C7: variants seen among roughly 807,000 people sequenced by gnomAD.
The protein encoded by C7 is complement C7.
In C7, 83 loss-of-function variants were observed where a neutral mutation model predicts 104.8. The observed-to-expected ratio is 0.79, with a 90% CI of 0.66 to 0.95. The LOEUF (loss-of-function observed/expected upper bound fraction) is 0.95. Ranked by LOEUF, C7 falls within the 40% of genes least tolerant of loss-of-function variation. The probability of loss-of-function intolerance (pLI) is 0.00; values close to 1 mark genes in which losing one functional copy is unlikely to be tolerated. For synonymous variants in C7, 415 were observed against 360.6 expected, an observed-to-expected ratio of 1.15 and a Z score of -1.71; for missense variants, 1,070 against 1,011.2, an observed-to-expected ratio of 1.06 and a Z score of -0.79.
Position 40,947,847 on chromosome 5 carries a change from T to C in C7, c.982+2T>C. 7 of 1,611,250 alleles carry C rather than the reference T, an allele frequency of 4.3e-6. No individual in the cohort carries two copies. Among genetic ancestry groups the C allele is most frequent in the Non-Finnish European group, 5.9e-6 (7 of 1,178,958 alleles). On this transcript the variant is annotated splice_donor_variant, in intron 8 of 17. Transcript: ENST00000313164. LOFTEE classifies it high-confidence loss of function. ...ACTCAGAAAAATTAAAACAAAATGG[T>C]ACAGTATTAAAAAATTCGTTGTCTA...
intron 9 of C7, among the ~76,000 whole-genome samples, chr5:40,951,498 A>G (rs1335487278): frequency 6.6e-6 from 1 of 152,092 alleles, no homozygotes; most frequent in Non-Finnish European, 1.5e-5. Context: ...GGGTTGAAAA[A>G]CTAACTATTG....
chr5:40,962,074 T>C lies in C7; in HGVS notation c.1662-11T>C. On this transcript the variant is annotated splice_polypyrimidine_tract_variant and intron_variant, in intron 12 of 17. Transcript: ENST00000313164. ...AATCAATCACATTAATTACATTTTT[T>C]TTCCTTCCAGGTTGCTTGAACCACA... 2.0e-6 allele frequency: 3 copies of C among 1,465,158 alleles called. No homozygotes were observed. Among genetic ancestry groups the C allele is most frequent in the Non-Finnish European group, 2.8e-6 (3 of 1,087,058 alleles). The allele number at this position is 1,465,158 out of a possible 1,614,324, so 90.8% of individuals were successfully genotyped here. A position where few individuals can be genotyped will look rare whatever the true frequency, so the allele number is the denominator to read the frequency against.
intron 8 of C7, among the ~76,000 whole-genome samples, 194 bp downstream of exon 8, chr5:40,948,039 T>C (rs1373377546): frequency 6.6e-6 from 1 of 152,172 alleles, no homozygotes; most frequent in Non-Finnish European, 1.5e-5. Flanking sequence ...CTGTCTACTG[T>C]TTTGCATAGT....
At position 40,972,335 on chromosome 5, in the gene C7, T is replaced by C. The variant is rs1015042845; in HGVS notation, c.1883-68T>C. ...GCAGAACAAGTGTGTCTGCATCACA[T>C]AAGACTTTTTTAAAAAGATGGTTTA... On this transcript the variant is annotated intron_variant, in intron 14 of 17. Transcript: ENST00000313164. 6.0e-6 allele frequency: 8 copies of C among 1,327,298 alleles called. No individual in the cohort carries two copies. The African/African-American group carries it at 1.0e-4, about 17-fold the overall frequency. The allele number at this position is 1,327,298 out of a possible 1,614,324, so 82.2% of individuals were successfully genotyped here.
chr5:40,974,073 A>G (rs1740761169), intron 15 of C7, among the ~76,000 whole-genome samples: 1 of 149,146 alleles, frequency 6.7e-6, no homozygotes, highest in Admixed American at 6.7e-5. Context: ...CATACATAAC[A>G]TAACATTTAC....
intron 9 of C7, 41 bp downstream of exon 9, chr5:40,950,055 CT>C (rs149156108): frequency 0.012 from 11,892 of 967,032 alleles, no homozygotes; most frequent in Non-Finnish European, 0.013. Flanking sequence ...AGCTTAACTT[CT>C]TTTTTTTTTA....
At chr5:40,980,196 C>A (rs912678765) in intron 17 of C7, 4 of 282,628 alleles carry the variant, frequency 1.4e-5, no homozygotes, top group African/African-American at 4.3e-5. Flanking sequence ...CTTGTATTAT[C>A]CATATTGTGT....
chr5:40,940,249 C>T (rs1313972968), intron 6 of C7, among the ~76,000 whole-genome samples: 1 of 152,166 alleles, frequency 6.6e-6, no homozygotes, highest in African/African-American at 2.4e-5. Flanking sequence ...CGCGGTTTAT[C>T]CAGGGCAAAC....
At chr5:40,949,759 A>G (rs578104745) in intron 8 of C7, 145 bp from the exon 9 acceptor site, 6 of 624,912 alleles carry the variant, frequency 9.6e-6, no homozygotes, top group Non-Finnish European at 8.5e-6. Context: ...TGACTCTTCT[A>G]GAGCACTTGA....
intron 1 of C7, among the ~76,000 whole-genome samples, chr5:40,925,057 T>A (rs1739522919): frequency 1.3e-5 from 2 of 152,240 alleles, no homozygotes; most frequent in Admixed American, 1.3e-4. Context: ...CTTGAATTCC[T>A]CTCCTGATGA....
rs564050352 is a variant in C7 at position 40,976,190 on chromosome 5, A to G, written c.2075-560A>G. 9.8e-5 allele frequency among the ~76,000 whole-genome samples: 15 copies of G among 152,356 alleles called. 1 individual carries two copies. In the East Asian group the frequency reaches 2.9e-3, roughly 29 times the overall value. ...CTTAGACATTCATATGTAAGAGGTTATTGTAGATCTTCTCGGCACACCAGG... is the reference window on the plus strand; with the variant it reads ...CTTAGACATTCATATGTAAGAGGTTGTTGTAGATCTTCTCGGCACACCAGG... On this transcript the variant is annotated intron_variant, in intron 15 of 17. Coordinates refer to ENST00000313164, the MANE Select transcript of C7 (RefSeq NM_000587.4).
intron 1 of C7, among the ~76,000 whole-genome samples, chr5:40,910,604 T>A (rs922351075): frequency 2.0e-5 from 3 of 152,132 alleles, no homozygotes; most frequent in African/African-American, 7.2e-5. Context: ...AATGAAATCA[T>A]GTCCTTTGCA....
intron 1 of C7, 24 bp from the exon 2 acceptor site, chr5:40,928,556 T>C (rs1370143213): frequency 7.5e-7 from 1 of 1,334,172 alleles, no homozygotes; most frequent in Non-Finnish European, 1.0e-6. Flanking sequence ...GCTAAAATAA[T>C]ACTTTATTGT....
rs573575373 is a variant in C7 at position 40,977,235 on chromosome 5, T to C, written c.2165+395T>C. 5.9e-5 allele frequency among the ~76,000 whole-genome samples: 9 copies of C among 152,352 alleles called. No homozygotes were observed. In the South Asian group the frequency reaches 1.7e-3, roughly 28 times the overall value. On this transcript the variant is annotated intron_variant, in intron 16 of 17. Coordinates refer to ENST00000313164, the MANE Select transcript of C7 (RefSeq NM_000587.4). The stretch of plus-strand genomic sequence containing the variant: ...AAACAGCAGCTGCTTTTGTTGATTC[T>C]TGAAGCATCTTCTCTAGATTTGCAT...
chr5:40,941,257 T>C (rs987129988), intron 6 of C7, among the ~76,000 whole-genome samples: 2 of 151,876 alleles, frequency 1.3e-5, no homozygotes, highest in Admixed American at 6.6e-5. Flanking sequence ...AGATACAGGG[T>C]TTCGCCATGT....
intron 14 of C7, among the ~76,000 whole-genome samples, chr5:40,971,665 CT>C (rs1740699726): frequency 6.6e-6 from 1 of 152,116 alleles, no homozygotes; most frequent in Non-Finnish European, 1.5e-5. Context: ...TTTGCCCATG[CT>C]TATGTCCTGA....
At chr5:40,969,208 CAG>C (rs1321342976) in intron 14 of C7, among the ~76,000 whole-genome samples, 3 of 152,022 alleles carry the variant, frequency 2.0e-5, no homozygotes, top group East Asian at 3.9e-4. Context: ...TATGTGTAAA[CAG>C]TGTGTAATAA....
At chr5:40,979,300 T>C (rs1740886840) in intron 16 of C7, among the ~76,000 whole-genome samples, 1 of 152,230 alleles carries the variant, frequency 6.6e-6, no homozygotes, top group African/African-American at 2.4e-5. Flanking sequence ...GGACATGAAC[T>C]CTTGGCTGTT....
chr5:40,971,920 T>C, intron 14 of C7: 2 of 380,588 alleles, frequency 5.3e-6, no homozygotes, highest in Non-Finnish European at 1.0e-5. Flanking sequence ...GAATAATCAC[T>C]GCTCTCCAGC....
Sources: gnomAD v4.1 joint callset for allele counts (sites outside exome capture counted in the v4.1 genomes callset) on GRCh38, gnomAD v4.1.1 for gene constraint, MANE v1.5 for transcripts, NCBI Gene and HGNC (gene_info 2026-07-23, HGNC 2026-07-21) for gene names.